PTPRD: variants seen among roughly 807,000 people sequenced by gnomAD.
PTPRD encodes protein tyrosine phosphatase receptor type D.
A neutral mutation model predicts 214.5 loss-of-function variants in PTPRD; 34 were observed. That is an observed-to-expected ratio of 0.16 (90% CI 0.12 to 0.21). PTPRD has a LOEUF of 0.21. Among genes scored for constraint, PTPRD ranks in the 10% least tolerant of loss-of-function variants. The pLI is 1.00. For missense variants in PTPRD, 2,545 were observed against 2,398.7 expected (o/e 1.06, Z -1.27); for synonymous variants, 1,128 against 845.7 (o/e 1.33, Z -5.79).
At chr9:10,072,525 G>T (rs1354328532) in intron 3 of PTPRD, among the ~76,000 whole-genome samples, 1 of 152,094 alleles carries the variant, frequency 6.6e-6, no homozygotes, top group African/African-American at 2.4e-5. Context: ...CATGGAAGGG[G>T]ACATGAGCGG....
At chr9:8,702,546 T>A (rs1424881826) in intron 12 of PTPRD, among the ~76,000 whole-genome samples, 6 of 152,172 alleles carry the variant, frequency 3.9e-5, no homozygotes, top group Non-Finnish European at 8.8e-5. Context: ...TTGATAGACA[T>A]CTGTAAAGGA....
At chr9:10,336,176 C>G (rs2096841020) in intron 3 of PTPRD, among the ~76,000 whole-genome samples, 1 of 151,660 alleles carries the variant, frequency 6.6e-6, no homozygotes, top group East Asian at 1.9e-4. Context: ...TGGTATGCTT[C>G]TAATTAATAA....
intron 44 of PTPRD, among the ~76,000 whole-genome samples, chr9:8,327,519 G>C (rs559109474): frequency 6.6e-6 from 1 of 152,282 alleles, no homozygotes; most frequent in East Asian, 1.9e-4. Flanking sequence ...TGTTGATTTG[G>C]GTGGAGAGTT....
intron 26 of PTPRD, among the ~76,000 whole-genome samples, chr9:8,494,359 G>T (rs543067819): frequency 6.6e-6 from 1 of 152,162 alleles, no homozygotes; most frequent in Non-Finnish European, 1.5e-5. Context: ...ATTTTATTCT[G>T]CCAGATAAAT....
chr9:10,423,933 A>G (rs781263234), intron 2 of PTPRD, among the ~76,000 whole-genome samples: 1 of 151,956 alleles, frequency 6.6e-6, no homozygotes, highest in Non-Finnish European at 1.5e-5. Context: ...TAAAATGTTG[A>G]ATTCTCAAGT....
At chr9:10,426,120 G>A (rs189476615) in intron 2 of PTPRD, among the ~76,000 whole-genome samples, 8 of 152,054 alleles carry the variant, frequency 5.3e-5, no homozygotes, top group Admixed American at 3.9e-4. Flanking sequence ...CAATGCTTAA[G>A]AAATCTCTTT....
At chr9:9,881,133 T>A (rs1380796483) in intron 5 of PTPRD, among the ~76,000 whole-genome samples, 4 of 152,154 alleles carry the variant, frequency 2.6e-5, no homozygotes, top group Non-Finnish European at 5.9e-5. Context: ...CTCAATAATT[T>A]TTTTAAAAAA....
chr9:10,292,601 T>G (rs189987951), intron 3 of PTPRD, among the ~76,000 whole-genome samples: 1 of 152,008 alleles, frequency 6.6e-6, no homozygotes, highest in Non-Finnish European at 1.5e-5. Flanking sequence ...CCAACTGTTA[T>G]TTTTGGGCAA....
intron 10 of PTPRD, among the ~76,000 whole-genome samples, chr9:9,153,079 A>G (rs1441748911): frequency 1.3e-5 from 2 of 152,162 alleles, no homozygotes; most frequent in Non-Finnish European, 2.9e-5. Context: ...TAGTCTATAA[A>G]TGACATTCTG....
intron 14 of PTPRD, among the ~76,000 whole-genome samples, chr9:8,547,957 C>G (rs1452784285): frequency 6.6e-6 from 1 of 152,118 alleles, no homozygotes; most frequent in Non-Finnish European, 1.5e-5. Context: ...CTGACAGCTG[C>G]AAAAACAGTC....
chr9:9,535,809 AAG>A (rs1346728036), intron 8 of PTPRD, among the ~76,000 whole-genome samples: 2 of 152,052 alleles, frequency 1.3e-5, no homozygotes, highest in Non-Finnish European at 2.9e-5. Flanking sequence ...TCAGTGTATA[AAG>A]AGTTAAATTG....
At chr9:8,948,481 TTATA>T (rs1390409256) in intron 11 of PTPRD, among the ~76,000 whole-genome samples, 2 of 15,242 alleles carry the variant, frequency 1.3e-4, no homozygotes, top group African/African-American at 3.1e-4. Flanking sequence ...ATATATATAT[TTATA>T]TATATATTTA....
chr9:9,462,768 C>G (rs1379914124), intron 8 of PTPRD, among the ~76,000 whole-genome samples: 12 of 152,106 alleles, frequency 7.9e-5, no homozygotes, highest in Non-Finnish European at 1.6e-4. Context: ...CGGAGTATAG[C>G]AGGTGACATG....
chr9:8,620,796 C>T (rs888869683), intron 14 of PTPRD, among the ~76,000 whole-genome samples: 9 of 151,938 alleles, frequency 5.9e-5, no homozygotes, highest in African/African-American at 2.2e-4. Flanking sequence ...CCTTTCAAGT[C>T]TATATTAAGC....
At chr9:10,277,723 G>A (rs1024802917) in intron 3 of PTPRD, among the ~76,000 whole-genome samples, 2 of 152,102 alleles carry the variant, frequency 1.3e-5, no homozygotes, top group Non-Finnish European at 2.9e-5. Context: ...TGATATTTCT[G>A]TACTCTATGT....
intron 3 of PTPRD, among the ~76,000 whole-genome samples, chr9:10,131,167 G>A (rs1202484016): frequency 6.6e-6 from 1 of 152,078 alleles, no homozygotes; most frequent in Admixed American, 6.6e-5. Context: ...AAATCTCTAA[G>A]AAAAACAATT....
intron 14 of PTPRD, among the ~76,000 whole-genome samples, chr9:8,574,150 G>C (rs2091867921): frequency 6.6e-6 from 1 of 151,814 alleles, no homozygotes; most frequent in Non-Finnish European, 1.5e-5. Flanking sequence ...TCACAATTTA[G>C]TCTTTCAGAT....
chr9:8,574,595 C>G (rs1403050812), intron 14 of PTPRD, among the ~76,000 whole-genome samples: 1 of 151,968 alleles, frequency 6.6e-6, no homozygotes, highest in African/African-American at 2.4e-5. Context: ...AAAATAAAGG[C>G]TAACCACTAA....
chr9:9,642,904 T>G (rs1000393537), intron 7 of PTPRD, among the ~76,000 whole-genome samples: 1 of 152,212 alleles, frequency 6.6e-6, no homozygotes, highest in Admixed American at 6.5e-5. Context: ...GAGCTGTGAT[T>G]TGTACCTAGT....
Sources: gnomAD v4.1 joint callset for allele counts (sites outside exome capture counted in the v4.1 genomes callset) on GRCh38, gnomAD v4.1.1 for gene constraint, MANE v1.5 for transcripts, NCBI Gene and HGNC (gene_info 2026-07-23, HGNC 2026-07-21) for gene names.